The following PCDHA11 variants were observed in gnomAD, a reference collection of about 807,000 sequenced individuals.
PCDHA11 encodes protocadherin alpha-11.
A neutral mutation model predicts 70.3 loss-of-function variants in PCDHA11; 61 were observed. The ratio of observed to expected loss-of-function variants is 0.87; its 90% CI spans 0.71 to 1.07. The LOEUF (loss-of-function observed/expected upper bound fraction) is 1.07, where lower values mean the gene tolerates loss of function less well. Ranked by LOEUF, PCDHA11 falls within the 50% of genes least tolerant of loss-of-function variation. The pLI is 0.00. For missense variants in PCDHA11, 1,324 were observed against 1,237.5 expected (o/e 1.07, Z -1.05); for synonymous variants, 633 against 555.1 (o/e 1.14, Z -1.97).
At position 140,927,047 on chromosome 5, in the gene PCDHA11, C is replaced by T. The variant is rs782800214; in HGVS notation, c.2392-51902C>T. On this transcript the variant is annotated intron_variant, in intron 1 of 3. Coordinates refer to ENST00000398640, the MANE Select transcript of PCDHA11 (RefSeq NM_018902.5). ...AGGCTGCCAGCGGCCGCTATGTCCT[C>T]GCGGAACTTTCGCTTCCTTTCCAGC... The T allele has an allele frequency of 2.5e-6, 4 of 1,612,066 alleles. No homozygotes were observed. The highest frequency in any genetic ancestry group is 1.7e-5 in the Admixed American group (1 of 59,932).
intron 1 of PCDHA11, chr5:140,876,679 A>T (rs782671923): frequency 2.5e-6 from 4 of 1,614,118 alleles, no homozygotes; most frequent in Non-Finnish European, 3.4e-6. Flanking sequence ...CACCTACAAG[A>T]ATTACTACTC....
chr5:140,916,612 G>A (rs1256459125), intron 1 of PCDHA11, among the ~76,000 whole-genome samples: 3 of 152,144 alleles, frequency 2.0e-5, no homozygotes, highest in African/African-American at 7.2e-5. Flanking sequence ...CGGGCCTCAT[G>A]ACTCTACTCA....
At chr5:140,882,749 G>C (rs1393099675) in intron 1 of PCDHA11, 1 of 1,614,126 alleles carries the variant, frequency 6.2e-7, no homozygotes, top group Non-Finnish European at 8.5e-7. Flanking sequence ...ATCCGATGCA[G>C]ATATTGGAGT....
chr5:140,869,908 C>G lies in PCDHA11; in HGVS notation c.805C>G (p.Arg269Gly). 4 of 1,610,646 alleles carry G rather than the reference C, an allele frequency of 2.5e-6. No homozygotes were observed. Among genetic ancestry groups the G allele is most frequent in the Non-Finnish European group, 3.4e-6 (4 of 1,178,286 alleles). ...TLVLKLNATD[R>G]DEGVNGEVTY... Reference sequence around the variant, plus strand: ...TGTGCTCAAACTAAACGCCACAGACCGAGACGAAGGAGTCAATGGAGAGGT... The same window carrying G: ...TGTGCTCAAACTAAACGCCACAGACGGAGACGAAGGAGTCAATGGAGAGGT... The change falls in exon 1 of 4, where the codon CGA becomes GGA. Residue 269 changes from arginine to glycine, a missense_variant. Coordinates refer to ENST00000398640, the MANE Select transcript of PCDHA11 (RefSeq NM_018902.5).
intron 1 of PCDHA11, chr5:140,969,073 G>T (rs781937942): frequency 2.5e-6 from 4 of 1,614,092 alleles, no homozygotes; most frequent in South Asian, 2.2e-5. Flanking sequence ...CCAGGATACC[G>T]CATGGCCTCA....
chr5:140,924,036 C>A (rs2081633869), intron 1 of PCDHA11, among the ~76,000 whole-genome samples: 1 of 152,162 alleles, frequency 6.6e-6, no homozygotes, highest in African/African-American at 2.4e-5. Context: ...TGGCTGCAGA[C>A]CTAAAAGTTC....
chr5:141,006,948 A>G (rs1432589918), intron 3 of PCDHA11, among the ~76,000 whole-genome samples: 3 of 152,194 alleles, frequency 2.0e-5, no homozygotes, highest in African/African-American at 7.2e-5. Flanking sequence ...CCAGATAGGC[A>G]GTTATACATG....
rs1489888830 is a variant in PCDHA11, at chr5:140,987,480, A to G, written c.2539+4917A>G. ...TGTTAAGAGCTCAAGCTTGGGAGTC[A>G]GTGACCCTTTCTGAATTCTACCTCT... is the stretch of plus-strand genomic sequence containing the variant. On this transcript the variant is annotated intron_variant, in intron 3 of 3. Coordinates refer to ENST00000398640, the MANE Select transcript of PCDHA11 (RefSeq NM_018902.5). Among the ~76,000 whole-genome samples, 6 of 152,310 alleles carry G rather than the reference A, an allele frequency of 3.9e-5. No homozygotes were observed. The South Asian group carries it at 1.2e-3, about 32-fold the overall frequency.
chr5:141,009,944 C>T lies in PCDHA11; in HGVS notation c.*7C>T. On this transcript the variant is annotated 3_prime_UTR_variant, in exon 4 of 4. Coordinates refer to ENST00000398640, the MANE Select transcript of PCDHA11 (RefSeq NM_018902.5). Reference sequence around the variant, plus strand: ...TGACAACAGTGACCAGTGAGGTCCTCAAATGGAAACAAGCCACTTAGCCAG... The same window carrying T: ...TGACAACAGTGACCAGTGAGGTCCTTAAATGGAAACAAGCCACTTAGCCAG... The T allele has an allele frequency of 6.3e-7, 1 of 1,595,754 alleles. No individual in the cohort carries two copies. The highest frequency in any genetic ancestry group is 1.1e-5 in the South Asian group (1 of 87,514).
chr5:140,931,626 A>G (rs1048704969), intron 1 of PCDHA11, among the ~76,000 whole-genome samples: 1 of 152,052 alleles, frequency 6.6e-6, no homozygotes, highest in Non-Finnish European at 1.5e-5. Flanking sequence ...CTTTTTAGGT[A>G]GCTCATTGGT....
At chr5:140,969,149 G>A (rs782510891) in intron 1 of PCDHA11, 89 of 1,614,002 alleles carry the variant, frequency 5.5e-5, no homozygotes, top group Non-Finnish European at 6.8e-5. Context: ...CTGCTACAAG[G>A]CCTGTCTGAC....
intron 1 of PCDHA11, among the ~76,000 whole-genome samples, chr5:140,974,337 T>TA (rs2096623719): frequency 6.6e-6 from 1 of 152,214 alleles, no homozygotes; most frequent in Admixed American, 6.5e-5. Context: ...GCTAGCAGGC[T>TA]ATGCATCCAG....
At chr5:140,882,688 AATC>A in intron 1 of PCDHA11, 1 of 1,614,196 alleles carries the variant, frequency 6.2e-7, no homozygotes, top group South Asian at 1.1e-5. Context: ...AGAAACGAAT[AATC>A]ATTGCAGAAT....
chr5:140,987,266 C>T (rs2097244603), intron 3 of PCDHA11, among the ~76,000 whole-genome samples: 1 of 151,752 alleles, frequency 6.6e-6, no homozygotes, highest in African/African-American at 2.4e-5. Context: ...AGGAATGGGA[C>T]CCGGCAGTCT....
At chr5:140,884,310 GGGCGTC>G (rs1301213144) in intron 1 of PCDHA11, 7 of 1,613,674 alleles carry the variant, frequency 4.3e-6, no homozygotes, top group Non-Finnish European at 5.9e-6. Flanking sequence ...GCTTCGTCGA[GGGCGTC>G]GGCAGGCGCT....
intron 1 of PCDHA11, chr5:140,883,464 C>G (rs1219426048): frequency 6.2e-7 from 1 of 1,614,044 alleles, no homozygotes; most frequent in African/African-American, 1.3e-5. Flanking sequence ...AAGCTGGTGT[C>G]CACCTACAAG....
At chr5:140,942,422 G>C (rs1445298712) in intron 1 of PCDHA11, among the ~76,000 whole-genome samples, 3 of 150,866 alleles carry the variant, frequency 2.0e-5, no homozygotes, top group Non-Finnish European at 4.4e-5. Context: ...AAAAAAAAAA[G>C]ATATCTAACA....
intron 1 of PCDHA11, among the ~76,000 whole-genome samples, chr5:140,902,661 C>T (rs1554190552): frequency 6.6e-6 from 1 of 152,036 alleles, no homozygotes; most frequent in Non-Finnish European, 1.5e-5. Flanking sequence ...CACCTGTCAC[C>T]CAAGCAGTGT....
chr5:140,870,420 G>C lies in PCDHA11; in HGVS notation c.1317G>C (p.Arg439Ser), dbSNP rs371557347. 1.3e-4 allele frequency: 208 copies of C among 1,614,234 alleles called. No homozygotes were observed. The highest frequency in any genetic ancestry group is 1.7e-4 in the Non-Finnish European group (202 of 1,180,052). ...GGSPSLWATA[R>S]VSVEVADVND... Reference sequence around the variant, plus strand: ...CGCCTTCTCTGTGGGCCACGGCCAGGGTATCCGTGGAGGTGGCCGACGTGA... The same window carrying C: ...CGCCTTCTCTGTGGGCCACGGCCAGCGTATCCGTGGAGGTGGCCGACGTGA... The change falls in exon 1 of 4, where the codon AGG becomes AGC. Residue 439 changes from arginine to serine, a missense_variant. Physicochemically the swap from Arg to Ser is moderately radical, Grantham distance 110 (BLOSUM62 -1). Transcript: ENST00000398640.
Sources: allele counts gnomAD v4.1 joint callset (sites outside exome capture counted in the v4.1 genomes callset), GRCh38; gene constraint gnomAD v4.1.1; transcripts MANE v1.5; gene names NCBI Gene and HGNC (gene_info 2026-07-23, HGNC 2026-07-21).